Variants in KCNH7 observed in about 807,000 individuals in gnomAD.
KCNH7 encodes the protein potassium voltage-gated channel subfamily H member 7.
A neutral mutation model predicts 120.8 loss-of-function variants in KCNH7; 49 were observed. The observed-to-expected ratio is 0.41, with a 90% CI of 0.32 to 0.51. The LOEUF is 0.51. Among genes scored for constraint, KCNH7 ranks in the 20% least tolerant of loss-of-function variants. The pLI is 0.38. For synonymous variants in KCNH7, 547 were observed against 516.1 expected (o/e 1.06, Z -0.81); for missense variants, 1,097 against 1,446.6 (o/e 0.76, Z 3.92).
intron 9 of KCNH7, among the ~76,000 whole-genome samples, chr2:162,422,242 T>A (rs1687730094): frequency 6.6e-6 from 1 of 152,144 alleles, no homozygotes; most frequent in Non-Finnish European, 1.5e-5. Context: ...ACTTTCAAAT[T>A]GGGCAATATT....
intron 2 of KCNH7, among the ~76,000 whole-genome samples, chr2:162,549,182 C>T (rs1191688441): frequency 6.6e-6 from 1 of 152,216 alleles, no homozygotes; most frequent in Non-Finnish European, 1.5e-5. Context: ...CTTGCTTAAG[C>T]ACTTCCTGAC....
At chr2:162,625,825 T>C (rs1194446148) in intron 2 of KCNH7, among the ~76,000 whole-genome samples, 2 of 152,040 alleles carry the variant, frequency 1.3e-5, no homozygotes, top group African/African-American at 4.8e-5. Context: ...TGAAAAGATA[T>C]AGATTGAGAT....
chr2:162,745,158 A>T (rs998638471), intron 2 of KCNH7, among the ~76,000 whole-genome samples: 1 of 152,212 alleles, frequency 6.6e-6, no homozygotes, highest in African/African-American at 2.4e-5. Context: ...GAACTTGACT[A>T]GTAGAGCTTC....
rs566058151 is a variant in KCNH7 at position 162,472,342 on chromosome 2, G to A, written c.1129-25899C>T. On this transcript the variant is annotated intron_variant, in intron 6 of 15. Transcript: ENST00000332142. ...GAAAATTTTTGCAATCTACTCATCT[G>A]ACAAAGGGCTAATACCCAGAATTTA... Among the ~76,000 whole-genome samples, 4 of 152,220 alleles carry A rather than the reference G, an allele frequency of 2.6e-5. No individual in the cohort carries two copies. In the South Asian group the frequency reaches 8.3e-4, roughly 32 times the overall value.
intron 5 of KCNH7, among the ~76,000 whole-genome samples, chr2:162,510,403 A>G (rs141838533): frequency 6.6e-6 from 1 of 151,622 alleles, no homozygotes; most frequent in Admixed American, 6.6e-5. Context: ...AAAAGAATAC[A>G]TATCAGAAAG....
chr2:162,468,552 A>G (rs2105630618), intron 6 of KCNH7, among the ~76,000 whole-genome samples: 1 of 112,736 alleles, frequency 8.9e-6, no homozygotes, highest in East Asian at 2.6e-4. Flanking sequence ...ACGGAGTCTC[A>G]GTCTGTTGCC....
intron 2 of KCNH7, among the ~76,000 whole-genome samples, chr2:162,600,371 C>A (rs777413486): frequency 6.6e-6 from 1 of 152,038 alleles, no homozygotes; most frequent in African/African-American, 2.4e-5. Flanking sequence ...TCACAAATTA[C>A]GGCACCCCAC....
At chr2:162,565,215 A>G (rs1693212068) in intron 2 of KCNH7, among the ~76,000 whole-genome samples, 1 of 151,964 alleles carries the variant, frequency 6.6e-6, no homozygotes, top group Non-Finnish European at 1.5e-5. Context: ...TCTTCCCCAT[A>G]TAGGTATTTT....
intron 6 of KCNH7, among the ~76,000 whole-genome samples, chr2:162,451,959 G>A (rs763872845): frequency 6.6e-6 from 1 of 152,010 alleles, no homozygotes. Flanking sequence ...ATGTGGAAAG[G>A]AAGGATTCAA....
chr2:162,516,436 A>G (rs1363969671), intron 4 of KCNH7, among the ~76,000 whole-genome samples: 5 of 151,744 alleles, frequency 3.3e-5, no homozygotes, highest in Non-Finnish European at 5.9e-5. Context: ...GCAAGAAAAC[A>G]CGTGTTACAT....
intron 6 of KCNH7, among the ~76,000 whole-genome samples, chr2:162,479,882 G>A (rs1053105573): frequency 6.6e-6 from 1 of 151,996 alleles, no homozygotes. Flanking sequence ...GAAAATAAAT[G>A]CAGGCTGAAC....
chr2:162,434,342 C>T (rs186226127), intron 8 of KCNH7, among the ~76,000 whole-genome samples: 9 of 152,028 alleles, frequency 5.9e-5, no homozygotes, highest in African/African-American at 1.9e-4. Flanking sequence ...ACACAATATA[C>T]CCATGTAACA....
chr2:162,775,200 TA>T (rs999012565), intron 2 of KCNH7, among the ~76,000 whole-genome samples: 12 of 151,708 alleles, frequency 7.9e-5, no homozygotes, highest in Admixed American at 2.0e-4. Flanking sequence ...ACTAGTTTAG[TA>T]AAAAAAAATT....
intron 2 of KCNH7, among the ~76,000 whole-genome samples, chr2:162,692,639 T>G (rs1237885094): frequency 1.3e-5 from 2 of 152,244 alleles, no homozygotes; most frequent in Non-Finnish European, 2.9e-5. Flanking sequence ...ATTGATATTT[T>G]AGAGTATAGG....
chr2:162,831,598 T>C lies in KCNH7; in HGVS notation c.307+4939A>G, dbSNP rs543816953. Reference sequence around the variant, plus strand: ...CTTCCCTGTGGCTCAACTAACCGGGTACTCTCCTGGCAGGCCAGATTGCCA... The same window carrying C: ...CTTCCCTGTGGCTCAACTAACCGGGCACTCTCCTGGCAGGCCAGATTGCCA... On this transcript the variant is annotated intron_variant, in intron 2 of 15. Transcript: ENST00000332142. 2.0e-5 allele frequency among the ~76,000 whole-genome samples: 3 copies of C among 152,224 alleles called. No homozygotes were observed. In the South Asian group the frequency reaches 6.2e-4, roughly 32 times the overall value.
intron 3 of KCNH7, among the ~76,000 whole-genome samples, chr2:162,533,077 C>A (rs1691984609): frequency 6.6e-6 from 1 of 151,558 alleles, no homozygotes; most frequent in Admixed American, 6.6e-5. Flanking sequence ...AATAGGGAAC[C>A]AAAATACACT....
At chr2:162,487,781 C>T (rs892134437) in intron 6 of KCNH7, among the ~76,000 whole-genome samples, 1 of 152,138 alleles carries the variant, frequency 6.6e-6, no homozygotes, top group Admixed American at 6.6e-5. Context: ...TTTTACCTTT[C>T]TATATGGGAT....
At chr2:162,666,083 T>A (rs1234891233) in intron 2 of KCNH7, among the ~76,000 whole-genome samples, 1 of 152,200 alleles carries the variant, frequency 6.6e-6, no homozygotes, top group African/African-American at 2.4e-5. Flanking sequence ...CATCCTTTCA[T>A]GAAAATTATT....
intron 2 of KCNH7, among the ~76,000 whole-genome samples, chr2:162,738,687 T>G (rs1187890865): frequency 6.6e-6 from 1 of 152,248 alleles, no homozygotes; most frequent in Non-Finnish European, 1.5e-5. Context: ...GTCTGGCTGT[T>G]AAGCAATTTC....
Sources: gnomAD v4.1 joint callset for allele counts (sites outside exome capture counted in the v4.1 genomes callset) on GRCh38, gnomAD v4.1.1 for gene constraint, MANE v1.5 for transcripts, NCBI Gene and HGNC (gene_info 2026-07-23, HGNC 2026-07-21) for gene names.